The following GRIK2 variants were observed in gnomAD, a reference collection of about 807,000 sequenced individuals.
GRIK2 encodes the protein glutamate receptor ionotropic, kainate 2.
In GRIK2, 32 loss-of-function variants were observed where a neutral mutation model predicts 100.3. The ratio of observed to expected loss-of-function variants is 0.32; its 90% CI spans 0.24 to 0.43. The LOEUF (loss-of-function observed/expected upper bound fraction) is 0.43, where lower values mean the gene tolerates loss of function less well. GRIK2 is among the 20% of genes least tolerant of loss of function. GRIK2 has a pLI of 1.00. For missense variants in GRIK2, 843 were observed against 1,114.9 expected, an observed-to-expected ratio of 0.76 and a Z score of 3.47; for synonymous variants, 417 against 389.4, an observed-to-expected ratio of 1.07 and a Z score of -0.83.
At chr6:101,401,197 T>C (rs957327537) in intron 2 of GRIK2, among the ~76,000 whole-genome samples, 3 of 152,196 alleles carry the variant, frequency 2.0e-5, no homozygotes, top group Admixed American at 6.5e-5. Context: ...AAAGAAGACT[T>C]GGAGCCGGAA....
intron 15 of GRIK2, among the ~76,000 whole-genome samples, chr6:102,042,113 A>T (rs1439171478): frequency 6.6e-6 from 1 of 151,734 alleles, no homozygotes; most frequent in Non-Finnish European, 1.5e-5. Flanking sequence ...TTATCTGAAC[A>T]AGCAAAATGG....
At chr6:102,023,240 G>GA (rs944464772) in intron 14 of GRIK2, among the ~76,000 whole-genome samples, 55 of 151,400 alleles carry the variant, frequency 3.6e-4, no homozygotes, top group African/African-American at 1.2e-3. Context: ...AGGGAAGAGA[G>GA]AAAGTATGGC....
intron 2 of GRIK2, among the ~76,000 whole-genome samples, chr6:101,591,547 C>G (rs961094240): frequency 6.6e-6 from 1 of 151,924 alleles, no homozygotes; most frequent in South Asian, 2.1e-4. Context: ...TCTCTCAAGA[C>G]TATTTTTTTC....
At position 102,017,225 on chromosome 6, in the gene GRIK2, A is replaced by G. The variant is rs75906279; in HGVS notation, c.2086-18116A>G. 8.6e-3 allele frequency among the ~76,000 whole-genome samples: 1,305 copies of G among 152,244 alleles called. 21 individuals carry two copies. Among genetic ancestry groups the G allele is most frequent in the African/African-American group, 0.03 (1,263 of 41,568 alleles). On this transcript the variant is annotated intron_variant, in intron 14 of 16. Coordinates refer to ENST00000369134, the MANE Select transcript of GRIK2 (RefSeq NM_021956.5). ...GTTGGCATAATAAACAACTGAAAAC[A>G]TGATGACAATAAAACCACCACACAA...
intron 12 of GRIK2, among the ~76,000 whole-genome samples, chr6:101,922,058 C>T (rs1789557191): frequency 6.6e-6 from 1 of 150,772 alleles, no homozygotes; most frequent in African/African-American, 2.4e-5. Flanking sequence ...CCAGATTCTT[C>T]CTTCCTACCT....
At chr6:101,915,859 A>C (rs1789068963) in intron 12 of GRIK2, among the ~76,000 whole-genome samples, 1 of 151,498 alleles carries the variant, frequency 6.6e-6, no homozygotes, top group Admixed American at 6.6e-5. Context: ...CTATCCCGGA[A>C]GGTATTTTTT....
chr6:101,543,204 A>G (rs1045469327), intron 2 of GRIK2, among the ~76,000 whole-genome samples: 3 of 152,190 alleles, frequency 2.0e-5, no homozygotes, highest in Admixed American at 6.5e-5. Flanking sequence ...ACAAAAATCA[A>G]TGTGACTCCA....
chr6:101,715,195 C>G (rs17062386), intron 7 of GRIK2, among the ~76,000 whole-genome samples: 11,438 of 151,776 alleles, frequency 0.075, 1,400 homozygotes, highest in African/African-American at 0.26. Context: ...TATTTGCTCA[C>G]CTTTTTGGTA....
chr6:101,719,140 T>TTG (rs1307304800), intron 7 of GRIK2, among the ~76,000 whole-genome samples: 6 of 6,596 alleles, frequency 9.1e-4, no homozygotes, highest in Admixed American at 3.1e-3. Context: ...CTGCAAGGGT[T>TTG]TTTTTTTTTT....
At chr6:101,402,895 G>C (rs1582369942) in intron 2 of GRIK2, among the ~76,000 whole-genome samples, 1 of 152,308 alleles carries the variant, frequency 6.6e-6, no homozygotes, top group East Asian at 1.9e-4. Flanking sequence ...GGGTGAAGGC[G>C]GGACTCTTCC....
chr6:101,542,155 C>T (rs1776027847), intron 2 of GRIK2, among the ~76,000 whole-genome samples: 1 of 151,706 alleles, frequency 6.6e-6, no homozygotes, highest in African/African-American at 2.4e-5. Flanking sequence ...TCATCTGAAT[C>T]CTTTAAAGCT....
At chr6:101,576,413 C>T (rs952882044) in intron 2 of GRIK2, among the ~76,000 whole-genome samples, 2 of 151,912 alleles carry the variant, frequency 1.3e-5, no homozygotes, top group Admixed American at 6.6e-5. Flanking sequence ...ACATCAAAAC[C>T]TAATATTCCT....
intron 7 of GRIK2, among the ~76,000 whole-genome samples, chr6:101,713,825 GAAC>G (rs1386329908): frequency 6.6e-6 from 1 of 151,614 alleles, no homozygotes; most frequent in African/African-American, 2.4e-5. Context: ...GAAGCAAAAA[GAAC>G]AACCTAGCAT....
At chr6:101,895,122 A>C (rs1214019833) in intron 12 of GRIK2, among the ~76,000 whole-genome samples, 1 of 151,824 alleles carries the variant, frequency 6.6e-6, no homozygotes, top group African/African-American at 2.4e-5. Context: ...AGGGTCAAAT[A>C]GAGGAGAAAG....
chr6:101,666,395 T>C (rs1770034227), intron 4 of GRIK2, among the ~76,000 whole-genome samples: 1 of 152,170 alleles, frequency 6.6e-6, no homozygotes, highest in Non-Finnish European at 1.5e-5. Flanking sequence ...TTATTAGGGT[T>C]TAATCATGTA....
chr6:101,562,991 A>G (rs1439810713), intron 2 of GRIK2, among the ~76,000 whole-genome samples: 19 of 152,346 alleles, frequency 1.2e-4, no homozygotes. Context: ...ATGGGGCTGT[A>G]CCTTCTCTCA....
In GRIK2 at chr6:101,475,650, CT is replaced by C. The variant is rs545866047; in HGVS notation, c.115+76264del. 4.9e-3 allele frequency among the ~76,000 whole-genome samples: 745 copies of C among 151,864 alleles called. 8 individuals carry two copies. The highest frequency in any genetic ancestry group is 0.01 in the Middle Eastern group (3 of 294). On this transcript the variant is annotated intron_variant, in intron 2 of 16. Transcript: ENST00000369134. ...GAAGAGCTCAGTGTAAACTGCAACT[CT>C]TTTTTCATAATCAAAAGGAAGAAAA...
chr6:101,873,144 G>A (rs572058943), intron 11 of GRIK2, among the ~76,000 whole-genome samples: 3 of 151,964 alleles, frequency 2.0e-5, no homozygotes, highest in African/African-American at 4.8e-5. Flanking sequence ...TGTGCACAAC[G>A]TGCAGGTTTG....
At chr6:101,502,047 G>A (rs1773780509) in intron 2 of GRIK2, among the ~76,000 whole-genome samples, 1 of 152,098 alleles carries the variant, frequency 6.6e-6, no homozygotes, top group Non-Finnish European at 1.5e-5. Flanking sequence ...CAGTTCCTTA[G>A]CATCTTTGAA....
Sources: allele counts gnomAD v4.1 joint callset (sites outside exome capture counted in the v4.1 genomes callset), GRCh38; gene constraint gnomAD v4.1.1; transcripts MANE v1.5; gene names NCBI Gene and HGNC (gene_info 2026-07-23, HGNC 2026-07-21).